PPARGC1A: variants seen among roughly 807,000 people sequenced by gnomAD.
PPARGC1A encodes peroxisome proliferator-activated receptor gamma coactivator 1-alpha.
In PPARGC1A, 25 loss-of-function variants were observed where a neutral mutation model predicts 88.7. The ratio of observed to expected loss-of-function variants is 0.28; its 90% CI spans 0.21 to 0.39. The LOEUF (loss-of-function observed/expected upper bound fraction) is 0.39. PPARGC1A is among the 10% of genes least tolerant of loss of function. The pLI is 1.00. For synonymous variants in PPARGC1A, 363 were observed against 355.6 expected (o/e 1.02, Z -0.24); for missense variants, 880 against 968.7 (o/e 0.91, Z 1.22).
chr4:24,402,721 T>G, the PPARGC1A span, among the ~76,000 whole-genome samples: 1 of 152,194 alleles, frequency 6.6e-6, no homozygotes, highest in Non-Finnish European at 1.5e-5. Context: ...AGCCAAACAC[T>G]TGGGAGACAG....
the PPARGC1A span, among the ~76,000 whole-genome samples, chr4:24,455,866 A>C: frequency 6.6e-6 from 1 of 152,256 alleles, no homozygotes; most frequent in East Asian, 1.9e-4. Flanking sequence ...ACTGTAAGAA[A>C]TAAATCTCTG....
chr4:24,066,680 C>A, the PPARGC1A span, among the ~76,000 whole-genome samples: 7 of 152,134 alleles, frequency 4.6e-5, no homozygotes, highest in Non-Finnish European at 7.3e-5. Context: ...AGAACCCATA[C>A]ACTGTGATAG....
chr4:24,284,916 T>A, the PPARGC1A span, among the ~76,000 whole-genome samples: 281 of 152,168 alleles, frequency 1.8e-3, 9 homozygotes, highest in East Asian at 0.053. Flanking sequence ...TAATCCCAGC[T>A]ACTTGGGAGG....
intron 2 of PPARGC1A, among the ~76,000 whole-genome samples, chr4:23,862,928 T>A (rs116056689): frequency 1.3e-5 from 2 of 152,204 alleles, no homozygotes. Context: ...ATGGACTTCC[T>A]TCCAATAGCA....
At chr4:24,160,545 A>G in the PPARGC1A span, among the ~76,000 whole-genome samples, 1 of 152,256 alleles carries the variant, frequency 6.6e-6, no homozygotes, top group Admixed American at 6.5e-5. Flanking sequence ...CATCATGCCA[A>G]TCTCTTCAAA....
the PPARGC1A span, among the ~76,000 whole-genome samples, chr4:24,314,323 G>C: frequency 2.0e-5 from 3 of 152,186 alleles, no homozygotes; most frequent in African/African-American, 7.2e-5. Context: ...AACCTTTTGG[G>C]AAGTGATTAA....
At chr4:24,207,439 A>T in the PPARGC1A span, among the ~76,000 whole-genome samples, 1 of 152,250 alleles carries the variant, frequency 6.6e-6, no homozygotes, top group Non-Finnish European at 1.5e-5. Context: ...TTTGAAGAAC[A>T]TACTTCAGCA....
At chr4:24,439,292 C>T in the PPARGC1A span, among the ~76,000 whole-genome samples, 34 of 152,172 alleles carry the variant, frequency 2.2e-4, no homozygotes, top group Non-Finnish European at 3.8e-4. Flanking sequence ...GGTAAGAGAA[C>T]CATTTTCATC....
the PPARGC1A span, among the ~76,000 whole-genome samples, chr4:24,366,158 A>G: frequency 2.0e-5 from 3 of 152,208 alleles, no homozygotes; most frequent in African/African-American, 4.8e-5. Context: ...AGTCAAAAAT[A>G]TGATTCGTTG....
the PPARGC1A span, among the ~76,000 whole-genome samples, chr4:24,279,000 T>C: frequency 6.6e-6 from 1 of 151,492 alleles, no homozygotes; most frequent in Non-Finnish European, 1.5e-5. Flanking sequence ...AACTGTTTGT[T>C]CCTGGACCAA....
At chr4:24,377,470 A>C in the PPARGC1A span, among the ~76,000 whole-genome samples, 1 of 152,080 alleles carries the variant, frequency 6.6e-6, no homozygotes, top group Non-Finnish European at 1.5e-5. Context: ...TAAAAGCAAA[A>C]TTCCTGGACT....
chr4:24,382,054 T>C, the PPARGC1A span, among the ~76,000 whole-genome samples: 1 of 152,156 alleles, frequency 6.6e-6, no homozygotes, highest in South Asian at 2.1e-4. Context: ...TCTAACCCAA[T>C]AAATCTGCTT....
At chr4:23,957,931 G>T in the PPARGC1A span, among the ~76,000 whole-genome samples, 1 of 152,072 alleles carries the variant, frequency 6.6e-6, no homozygotes, top group Non-Finnish European at 1.5e-5. Context: ...CTGAGTTTAG[G>T]TTGATTATAG....
At chr4:24,215,597 C>T in the PPARGC1A span, among the ~76,000 whole-genome samples, 50 of 151,882 alleles carry the variant, frequency 3.3e-4, no homozygotes, top group African/African-American at 1.1e-3. Flanking sequence ...ATACTTATTA[C>T]GGAAGAAAAT....
chr4:24,088,119 C>A, the PPARGC1A span, among the ~76,000 whole-genome samples: 1 of 152,106 alleles, frequency 6.6e-6, no homozygotes. Context: ...GAGGCCGAGG[C>A]AAGAGGATCA....
chr4:24,122,905 C>G, the PPARGC1A span, among the ~76,000 whole-genome samples: 1 of 152,122 alleles, frequency 6.6e-6, no homozygotes, highest in Non-Finnish European at 1.5e-5. Context: ...CACAAGAAGA[C>G]CCCGGGATAA....
At chr4:24,013,365 T>A in the PPARGC1A span, among the ~76,000 whole-genome samples, 1 of 152,066 alleles carries the variant, frequency 6.6e-6, no homozygotes, top group Non-Finnish European at 1.5e-5. Context: ...TCCTTCCCAC[T>A]CTAGTCCAAA....
At chr4:24,121,494 C>T in the PPARGC1A span, among the ~76,000 whole-genome samples, 1 of 151,968 alleles carries the variant, frequency 6.6e-6, no homozygotes, top group Admixed American at 6.6e-5. Context: ...GAACAAGTAC[C>T]ACTGAATGAG....
the PPARGC1A span, among the ~76,000 whole-genome samples, chr4:24,311,186 G>A: frequency 8.1e-6 from 1 of 123,054 alleles, no homozygotes; most frequent in African/African-American, 3.1e-5. Context: ...TGCAAGCTCC[G>A]CCTCCTGGGT....
Sources: gnomAD v4.1 joint callset for allele counts (sites outside exome capture counted in the v4.1 genomes callset) on GRCh38, gnomAD v4.1.1 for gene constraint, MANE v1.5 for transcripts, NCBI Gene and HGNC (gene_info 2026-07-23, HGNC 2026-07-21) for gene names.